The following SLIT1 variants were observed in gnomAD, a reference collection of about 807,000 sequenced individuals.
The protein encoded by SLIT1 is slit guidance ligand 1.
In SLIT1, 66 loss-of-function variants were observed where a neutral mutation model predicts 186.1. The observed-to-expected ratio is 0.35, with a 90% CI of 0.29 to 0.44. SLIT1 has a LOEUF of 0.44. Ranked by LOEUF, SLIT1 falls within the 20% of genes least tolerant of loss-of-function variation. SLIT1 has a pLI of 1.00. For missense variants in SLIT1, 1,638 were observed against 2,037.4 expected (o/e 0.80, Z 3.77); for synonymous variants, 761 against 833.8 (o/e 0.91, Z 1.50).
At position 97,069,667 on chromosome 10, in the gene SLIT1, G is replaced by A. The variant is rs558589463; in HGVS notation, c.414-3581C>T. 3.9e-5 allele frequency among the ~76,000 whole-genome samples: 6 copies of A among 152,286 alleles called. No homozygotes were observed. In the South Asian group the frequency reaches 6.2e-4, roughly 16 times the overall value. ...ATGAGGAAAGGGTGTTCTAAGCAGC[G>A]GTAACAGCATGTGCAGAAACCCAGA... is the stretch of plus-strand genomic sequence containing the variant. On this transcript the variant is annotated intron_variant, in intron 4 of 36. Coordinates refer to ENST00000266058, the MANE Select transcript of SLIT1 (RefSeq NM_003061.3).
chr10:97,144,066 C>T (rs1024303704), intron 4 of SLIT1, among the ~76,000 whole-genome samples: 3 of 151,994 alleles, frequency 2.0e-5, no homozygotes, highest in South Asian at 2.1e-4. Flanking sequence ...GGCGTGGTGG[C>T]GGGTGCCTGT....
chr10:97,018,921 G>A (rs1848478442), intron 27 of SLIT1, 62 bp downstream of exon 27: 2 of 1,023,568 alleles, frequency 2.0e-6, no homozygotes, highest in Non-Finnish European at 3.0e-6. Context: ...TCTGGGCCCT[G>A]GGGACAGCCC....
intron 4 of SLIT1, among the ~76,000 whole-genome samples, chr10:97,087,083 G>A (rs1849168125): frequency 7.1e-6 from 1 of 140,390 alleles, no homozygotes; most frequent in Admixed American, 7.9e-5. Context: ...TAAAAAATAA[G>A]GTCTATTAAA....
intron 4 of SLIT1, among the ~76,000 whole-genome samples, chr10:97,096,873 T>G (rs764602103): frequency 5.3e-5 from 8 of 152,346 alleles, no homozygotes; most frequent in Admixed American, 2.6e-4. Context: ...AGTTTTGTAT[T>G]TAATGAGAGC....
chr10:97,086,893 T>TA (rs992465764), intron 4 of SLIT1, among the ~76,000 whole-genome samples: 3 of 152,030 alleles, frequency 2.0e-5, no homozygotes, highest in African/African-American at 7.3e-5. Flanking sequence ...AACCCTACTG[T>TA]AAACTACACA....
rs1848343671 is a variant in SLIT1, at chr10:97,004,646, C to A, written c.3710+47G>T. The A allele has an allele frequency of 6.2e-7, 1 of 1,610,934 alleles. No homozygotes were observed. The highest frequency in any genetic ancestry group is 8.5e-7 in the Non-Finnish European group (1 of 1,177,966). ...TTTGGCCCAGGAGACCTCGCCCTGG[C>A]AGTCCCGTACCCCTGAGGGCAGCTG... On this transcript the variant is annotated intron_variant, in intron 33 of 36. Coordinates refer to ENST00000266058, the MANE Select transcript of SLIT1 (RefSeq NM_003061.3). This position sits in a 1 kb window ranked among gnomAD's most constrained non-coding sequence, Gnocchi z 5.1.
chr10:97,019,068 C>A lies in SLIT1; in HGVS notation c.2786G>T (p.Cys929Phe). 6.2e-7 allele frequency: 1 copy of A among 1,613,940 alleles called. No individual in the cohort carries two copies. The highest frequency in any genetic ancestry group is 8.5e-7 in the Non-Finnish European group (1 of 1,179,940). Residue 929 changes from cysteine (C) to phenylalanine (F), a missense_variant, in exon 27 of 37, where the codon TGC becomes TTC. Around this residue, in one of 3 missense-constraint regions of SLIT1, gnomAD observed 1,245 missense variants for 1,535.3 expected, o/e 0.81. Coordinates refer to ENST00000266058, the MANE Select transcript of SLIT1 (RefSeq NM_003061.3). ...CTGGTTCTGGCACGGACTGGACAAG[C>A]AGAGATCACACTTGGCCTGGACAGC... ...TLAVQAKCDL[C>F]LSSPCQNQGT...
chr10:97,040,691 G>T (rs190622024), intron 20 of SLIT1, among the ~76,000 whole-genome samples: 1 of 152,288 alleles, frequency 6.6e-6, no homozygotes, highest in Non-Finnish European at 1.5e-5. Flanking sequence ...ATCATAAAGT[G>T]GGTCCAAGGC....
At chr10:97,119,921 A>ATATATG (rs1235978396) in intron 4 of SLIT1, among the ~76,000 whole-genome samples, 2 of 120,082 alleles carry the variant, frequency 1.7e-5, no homozygotes, top group Non-Finnish European at 3.6e-5. Flanking sequence ...GGGTATATAT[A>ATATATG]TATATATATA....
intron 4 of SLIT1, among the ~76,000 whole-genome samples, chr10:97,144,300 CT>C (rs1564687162): frequency 6.6e-6 from 1 of 152,098 alleles, no homozygotes; most frequent in Non-Finnish European, 1.5e-5. Context: ...AAATCTTGCT[CT>C]GTTATAGATC....
chr10:97,079,560 T>A (rs1450204887), intron 4 of SLIT1, among the ~76,000 whole-genome samples: 2 of 152,038 alleles, frequency 1.3e-5, no homozygotes. Context: ...GCAGAAAAAA[T>A]CTGCCAAGTG....
intron 1 of SLIT1, among the ~76,000 whole-genome samples, chr10:97,167,624 G>A (rs1486468332): frequency 2.0e-5 from 3 of 152,178 alleles, no homozygotes; most frequent in Non-Finnish European, 4.4e-5. Context: ...GTAGGAAAAG[G>A]TCACAAGACA....
intron 4 of SLIT1, among the ~76,000 whole-genome samples, chr10:97,098,199 C>A (rs1245104319): frequency 6.6e-6 from 1 of 152,190 alleles, no homozygotes; most frequent in Non-Finnish European, 1.5e-5. Context: ...CCTAAGGAAT[C>A]CTGAGAAAAC....
chr10:97,026,754 G>A (rs1346819268), intron 25 of SLIT1, among the ~76,000 whole-genome samples: 1 of 152,200 alleles, frequency 6.6e-6, no homozygotes, highest in Non-Finnish European at 1.5e-5. Context: ...AATGGAAGAT[G>A]AGTTAACTGC....
intron 35 of SLIT1, 87 bp from the exon 36 acceptor site, chr10:97,002,456 C>G: frequency 9.7e-7 from 1 of 1,031,752 alleles, no homozygotes; most frequent in Non-Finnish European, 1.4e-6. Flanking sequence ...ACAGCCCACC[C>G]CACCCAGCCC....
At chr10:97,166,331 A>G (rs912584455) in intron 1 of SLIT1, among the ~76,000 whole-genome samples, 2 of 151,728 alleles carry the variant, frequency 1.3e-5, no homozygotes, top group African/African-American at 2.4e-5. Flanking sequence ...CCTGGCCAAC[A>G]TGTTGAAACC....
At chr10:97,033,646 C>T (rs1480518048) in intron 23 of SLIT1, among the ~76,000 whole-genome samples, 1 of 152,038 alleles carries the variant, frequency 6.6e-6, no homozygotes, top group African/African-American at 2.4e-5. Flanking sequence ...GCAAGAGAAG[C>T]CAGATACAAA....
At chr10:97,028,137 A>G (rs1222158797) in intron 25 of SLIT1, among the ~76,000 whole-genome samples, 1 of 152,172 alleles carries the variant, frequency 6.6e-6, no homozygotes, top group African/African-American at 2.4e-5. Flanking sequence ...GTCAGCAAAA[A>G]TGAGCATGCA....
At chr10:97,040,903 T>C (rs1280792286) in intron 20 of SLIT1, among the ~76,000 whole-genome samples, 1 of 152,188 alleles carries the variant, frequency 6.6e-6, no homozygotes, top group African/African-American at 2.4e-5. Flanking sequence ...CGGGTGACAG[T>C]GACCATCAGT....
Sources: allele counts gnomAD v4.1 joint callset (sites outside exome capture counted in the v4.1 genomes callset), GRCh38; gene constraint gnomAD v4.1.1; regional missense constraint gnomAD v4.1.1; non-coding constraint Gnocchi (gnomAD v3.1); transcripts MANE v1.5; gene names NCBI Gene and HGNC (gene_info 2026-07-23, HGNC 2026-07-21).